Variants in HMGCLL1 observed in about 807,000 individuals in gnomAD.
HMGCLL1 encodes the protein 3-hydroxy-3-methylglutaryl-CoA lyase like 1.
A neutral mutation model predicts 39.1 loss-of-function variants in HMGCLL1; 36 were observed. That is an observed-to-expected ratio of 0.92 (90% confidence interval 0.71 to 1.22). The LOEUF (loss-of-function observed/expected upper bound fraction) is 1.22. HMGCLL1 is among the 50% of genes most tolerant of loss of function. The probability of loss-of-function intolerance (pLI) is 0.00; values close to 1 mark genes in which losing one functional copy is unlikely to be tolerated. For synonymous variants in HMGCLL1, 149 were observed against 144.0 expected, an observed-to-expected ratio of 1.03 and a Z score of -0.25; for missense variants, 451 against 416.5, an observed-to-expected ratio of 1.08 and a Z score of -0.72.
the HMGCLL1 span, among the ~76,000 whole-genome samples, chr6:55,592,051 G>T: frequency 6.6e-6 from 1 of 151,600 alleles, no homozygotes; most frequent in Non-Finnish European, 1.5e-5. Flanking sequence ...AAACTTTTTT[G>T]CTCATTCACT....
chr6:55,566,482 A>T (rs1009866302), intron 1 of HMGCLL1: 1 of 351,818 alleles, frequency 2.8e-6, no homozygotes, highest in African/African-American at 2.1e-5. Flanking sequence ...TATAAGTGTA[A>T]GGTGACATTT....
At chr6:55,650,120 TATATATATATATATACACACAC>T in the HMGCLL1 span, among the ~76,000 whole-genome samples, 57 of 79,912 alleles carry the variant, frequency 7.1e-4, 2 homozygotes, top group Middle Eastern at 5.1e-3. Flanking sequence ...TATATATATA[TATATATATATATATACACACAC>T]ACACACATAT....
At chr6:55,496,469 T>C (rs939187445) in intron 6 of HMGCLL1, among the ~76,000 whole-genome samples, 14 of 152,170 alleles carry the variant, frequency 9.2e-5, no homozygotes, top group Non-Finnish European at 2.1e-4. Context: ...AGCCACCTCC[T>C]GTTGCTATTC....
chr6:55,579,508 C>T (rs199605622), upstream of HMGCLL1, among the ~76,000 whole-genome samples: 3 of 152,262 alleles, frequency 2.0e-5, no homozygotes, highest in East Asian at 5.8e-4. Flanking sequence ...CAGCTGCAGC[C>T]TTGGGTGCTC....
At chr6:55,534,888 G>A (rs1321428306) in intron 3 of HMGCLL1, among the ~76,000 whole-genome samples, 1 of 152,152 alleles carries the variant, frequency 6.6e-6, no homozygotes, top group East Asian at 1.9e-4. Flanking sequence ...ATATACATTT[G>A]CACAAACACA....
rs79758439 is a variant in HMGCLL1, at chr6:55,439,329, G to T, written c.921+105C>A. The T allele has an allele frequency of 5.3e-4, 588 of 1,118,312 alleles. 3 individuals carry two copies. In the African/African-American group the frequency reaches 8.5e-3, roughly 16 times the overall value. 69.3% of individuals were successfully genotyped at this position (1,118,312 alleles called of 1,614,324 possible). On this transcript the variant is annotated intron_variant, in intron 8 of 8. Coordinates refer to ENST00000274901, the MANE Select transcript of HMGCLL1 (RefSeq NM_001042406.2). Reference sequence around the variant, plus strand: ...CTGTGCATTTTAGCAAATAGCAAAAGTGTAGTAAAACTTTGACCTCAAAAT... The same window carrying T: ...CTGTGCATTTTAGCAAATAGCAAAATTGTAGTAAAACTTTGACCTCAAAAT...
intron 3 of HMGCLL1, among the ~76,000 whole-genome samples, chr6:55,530,507 C>T (rs1383936429): frequency 1.3e-5 from 2 of 151,840 alleles, no homozygotes; most frequent in African/African-American, 4.8e-5. Context: ...GATAAATAAG[C>T]TTGGATAAAA....
intron 5 of HMGCLL1, among the ~76,000 whole-genome samples, chr6:55,510,705 T>C (rs1767413082): frequency 6.7e-6 from 1 of 150,000 alleles, no homozygotes; most frequent in African/African-American, 2.4e-5. Context: ...GATGAGTTAA[T>C]GGGTGCAGCA....
intron 3 of HMGCLL1, among the ~76,000 whole-genome samples, chr6:55,535,108 A>T (rs896488677): frequency 1.3e-5 from 2 of 152,208 alleles, no homozygotes; most frequent in African/African-American, 4.8e-5. Flanking sequence ...TTTAAATTTC[A>T]ATGACCATTT....
chr6:55,607,401 G>T, the HMGCLL1 span, among the ~76,000 whole-genome samples: 1 of 152,116 alleles, frequency 6.6e-6, no homozygotes, highest in African/African-American at 2.4e-5. Flanking sequence ...TAATGTGGTG[G>T]ATGCTATAAT....
At chr6:55,612,922 T>C in the HMGCLL1 span, among the ~76,000 whole-genome samples, 1 of 151,968 alleles carries the variant, frequency 6.6e-6, no homozygotes, top group Non-Finnish European at 1.5e-5. Context: ...ACAAAAAGCA[T>C]ATGTAACAAA....
chr6:55,662,498 A>G, the HMGCLL1 span, among the ~76,000 whole-genome samples: 4 of 151,824 alleles, frequency 2.6e-5, no homozygotes, highest in Non-Finnish European at 5.9e-5. Context: ...TGATTTGTGT[A>G]TGTTGAACTA....
At chr6:55,531,567 T>C (rs1287574353) in intron 3 of HMGCLL1, among the ~76,000 whole-genome samples, 1 of 152,018 alleles carries the variant, frequency 6.6e-6, no homozygotes, top group African/African-American at 2.4e-5. Context: ...TCAATACAAT[T>C]GAATAAAAGA....
intron 7 of HMGCLL1, among the ~76,000 whole-genome samples, chr6:55,476,327 C>A (rs1217742150): frequency 1.3e-5 from 2 of 151,356 alleles, no homozygotes; most frequent in African/African-American, 2.4e-5. Flanking sequence ...AATAATATTG[C>A]AATTGGAAGT....
intron 7 of HMGCLL1, among the ~76,000 whole-genome samples, chr6:55,489,735 T>G (rs3807019): frequency 0.51 from 77,965 of 151,748 alleles, 20,358 homozygotes; most frequent in African/African-American, 0.62. Context: ...ATCCATATCT[T>G]TAATTTTTGG....
the HMGCLL1 span, among the ~76,000 whole-genome samples, chr6:55,645,768 C>G: frequency 6.6e-6 from 1 of 151,702 alleles, no homozygotes; most frequent in South Asian, 2.1e-4. Context: ...TGAAAAAGAT[C>G]TTTTTAGTAT....
the HMGCLL1 span, among the ~76,000 whole-genome samples, chr6:55,586,351 G>T: frequency 6.6e-6 from 1 of 151,504 alleles, no homozygotes; most frequent in Non-Finnish European, 1.5e-5. Context: ...AAGAGCAACT[G>T]AAAACAGCCT....
the HMGCLL1 span, among the ~76,000 whole-genome samples, chr6:55,653,270 C>A: frequency 1.3e-5 from 2 of 151,872 alleles, no homozygotes; most frequent in African/African-American, 4.8e-5. Flanking sequence ...CTTGTTGTAT[C>A]CAGTAATCTT....
chr6:55,552,817 C>G (rs1209862084), intron 1 of HMGCLL1, among the ~76,000 whole-genome samples: 3 of 151,798 alleles, frequency 2.0e-5, no homozygotes, highest in Non-Finnish European at 4.4e-5. Context: ...TCCAATAGCT[C>G]TACTGAAGGA....
Sources: allele counts gnomAD v4.1 joint callset (sites outside exome capture counted in the v4.1 genomes callset), GRCh38; gene constraint gnomAD v4.1.1; transcripts MANE v1.5; gene names NCBI Gene and HGNC (gene_info 2026-07-23, HGNC 2026-07-21).